PCDH11X: variants seen among roughly 807,000 people sequenced by gnomAD.
PCDH11X encodes protocadherin 11 X-linked.
A neutral mutation model predicts 53.3 loss-of-function variants in PCDH11X; 18 were observed. The ratio of observed to expected loss-of-function variants is 0.34; its 90% CI spans 0.23 to 0.50. The LOEUF is 0.50. Ranked by LOEUF, PCDH11X falls within the 20% of genes least tolerant of loss-of-function variation. The pLI, the probability that PCDH11X is intolerant of heterozygous loss-of-function variation, is 0.98. For missense variants in PCDH11X, 570 were observed against 1,032.4 expected (o/e 0.55, Z 6.14); for synonymous variants, 279 against 393.3 (o/e 0.71, Z 3.44).
intron 8 of PCDH11X, among the ~76,000 whole-genome samples, chrX:92,277,428 G>C (rs905185577): frequency 9.0e-6 from 1 of 110,642 alleles, no homozygotes. Flanking sequence ...GTTTTAGGTC[G>C]GGTGTGAGTT....
At chrX:92,555,487 A>G (rs751681239) in intron 10 of PCDH11X, among the ~76,000 whole-genome samples, 1 of 112,303 alleles carries the variant, frequency 8.9e-6, no homozygotes, top group East Asian at 2.8e-4. Context: ...TAATCCTGAT[A>G]TAACCAAAGG....
At chrX:92,171,155 A>G in intron 6 of PCDH11X, among the ~76,000 whole-genome samples, 1 of 103,658 alleles carries the variant, frequency 9.6e-6, no homozygotes, top group Non-Finnish European at 2.0e-5. Flanking sequence ...GCCCTTTCTT[A>G]TACAGATACT....
intron 10 of PCDH11X, among the ~76,000 whole-genome samples, chrX:92,587,970 C>T (rs1924584081): frequency 9.2e-6 from 1 of 108,941 alleles, no homozygotes; most frequent in East Asian, 2.9e-4. Flanking sequence ...GAGTAGTTTG[C>T]TACTGTGTGA....
chrX:92,064,397 C>T (rs1324544310), intron 6 of PCDH11X, among the ~76,000 whole-genome samples: 1 of 109,981 alleles, frequency 9.1e-6, no homozygotes, highest in Admixed American at 9.7e-5. Context: ...TTTGATTGTA[C>T]AGTTCAACAT....
At chrX:92,590,904 C>T (rs2148797094) in intron 10 of PCDH11X, among the ~76,000 whole-genome samples, 1 of 111,199 alleles carries the variant, frequency 9.0e-6, no homozygotes, top group Admixed American at 9.5e-5. Flanking sequence ...ACAGGCCTGA[C>T]TAGGGGTGAT....
At chrX:92,574,883 C>T (rs1922642596) in intron 10 of PCDH11X, among the ~76,000 whole-genome samples, 1 of 110,403 alleles carries the variant, frequency 9.1e-6, no homozygotes, top group African/African-American at 3.3e-5. Flanking sequence ...GTTTTTTTCA[C>T]TTAACCCTTA....
intron 10 of PCDH11X, among the ~76,000 whole-genome samples, chrX:92,587,321 T>C (rs992782308): frequency 2.7e-5 from 3 of 111,468 alleles, no homozygotes; most frequent in Non-Finnish European, 5.7e-5. Context: ...TTAAAATATA[T>C]ATTTGCTCTC....
chrX:92,149,610 A>G (rs1317174334), intron 6 of PCDH11X, among the ~76,000 whole-genome samples: 1 of 110,081 alleles, frequency 9.1e-6, no homozygotes, highest in Non-Finnish European at 1.9e-5. Flanking sequence ...ATTGAAGCAC[A>G]ATAAACTGTA....
intron 10 of PCDH11X, among the ~76,000 whole-genome samples, chrX:92,606,914 C>A (rs1217776562): frequency 9.1e-6 from 1 of 109,656 alleles, no homozygotes; most frequent in Non-Finnish European, 1.9e-5. Context: ...GTAAGTATAT[C>A]AAAAAATATT....
chrX:91,957,498 ACAGT>A (rs1286776311), intron 6 of PCDH11X, among the ~76,000 whole-genome samples: 3 of 109,925 alleles, frequency 2.7e-5, no homozygotes, highest in Non-Finnish European at 5.7e-5. Context: ...TTTCCTTTTG[ACAGT>A]CAGGCTACTT....
At chrX:92,130,744 T>A (rs996989717) in intron 6 of PCDH11X, among the ~76,000 whole-genome samples, 5 of 111,294 alleles carry the variant, frequency 4.5e-5, no homozygotes, top group African/African-American at 1.6e-4. Context: ...TACTTAATTT[T>A]ATATCTGTAT....
At chrX:91,907,407 A>ACACC (rs1556332957) in intron 6 of PCDH11X, among the ~76,000 whole-genome samples, 2 of 67,874 alleles carry the variant, frequency 2.9e-5, no homozygotes, top group East Asian at 1.3e-3. Flanking sequence ...ACACACACAC[A>ACACC]CACACAGAGA....
chrX:91,868,958 C>G (rs1267632887), intron 5 of PCDH11X, among the ~76,000 whole-genome samples: 1 of 111,469 alleles, frequency 9.0e-6, no homozygotes, highest in Non-Finnish European at 1.9e-5. Context: ...ATGTAAAATA[C>G]TTTATACCAG....
intron 6 of PCDH11X, among the ~76,000 whole-genome samples, chrX:92,084,519 C>T (rs773059489): frequency 1.0e-5 from 1 of 99,201 alleles, no homozygotes; most frequent in African/African-American, 4.0e-5. Flanking sequence ...TGCACTCCAG[C>T]CTGGCTGAAA....
chrX:91,802,239 T>C (rs1489998202), intron 1 of PCDH11X, among the ~76,000 whole-genome samples: 6 of 112,902 alleles, frequency 5.3e-5, no homozygotes, highest in Admixed American at 9.3e-5. Flanking sequence ...AAAAGGATTC[T>C]CTCTCAGCTC....
At chrX:92,471,105 C>CT (rs201259460) in intron 10 of PCDH11X, among the ~76,000 whole-genome samples, 1,883 of 95,100 alleles carry the variant, frequency 0.02, 51 homozygotes, top group African/African-American at 0.07. Flanking sequence ...TATATTTTTT[C>CT]TTTTTTTTTT....
chrX:91,824,321 G>A (rs1398097491), intron 4 of PCDH11X, among the ~76,000 whole-genome samples: 2 of 110,393 alleles, frequency 1.8e-5, no homozygotes, highest in East Asian at 5.7e-4. Context: ...CCAATCAGAC[G>A]TAGATTTGGT....
intron 6 of PCDH11X, among the ~76,000 whole-genome samples, chrX:91,904,088 C>T (rs1370852903): frequency 9.1e-6 from 1 of 110,197 alleles, no homozygotes; most frequent in Admixed American, 9.8e-5. Flanking sequence ...AACTCTAATT[C>T]CTTTTAACTG....
chrX:92,271,971 A>G (rs1179492950), intron 8 of PCDH11X, among the ~76,000 whole-genome samples: 1 of 112,107 alleles, frequency 8.9e-6, no homozygotes, highest in African/African-American at 3.2e-5. Flanking sequence ...AGGAGATCAG[A>G]CTCATGGAGG....
Sources: gnomAD v4.1 joint callset for allele counts (sites outside exome capture counted in the v4.1 genomes callset) on GRCh38, gnomAD v4.1.1 for gene constraint, MANE v1.5 for transcripts, NCBI Gene and HGNC (gene_info 2026-07-23, HGNC 2026-07-21) for gene names.